The following SAG variants were observed in gnomAD, a reference collection of about 807,000 sequenced individuals.
The protein encoded by SAG is S-arrestin.
SAG carries 45 observed loss-of-function variants against 55.0 expected under a neutral mutation model. That is an observed-to-expected ratio of 0.82 (90% CI 0.64 to 1.05). The LOEUF (loss-of-function observed/expected upper bound fraction) is 1.05, where lower values mean the gene tolerates loss of function less well. Among genes scored for constraint, SAG ranks in the 50% least tolerant of loss-of-function variants. The probability of loss-of-function intolerance (pLI) is 0.00; values close to 1 mark genes in which losing one functional copy is unlikely to be tolerated. For missense variants in SAG, 455 were observed against 512.1 expected, an observed-to-expected ratio of 0.89 and a Z score of 1.08; for synonymous variants, 189 against 197.4, an observed-to-expected ratio of 0.96 and a Z score of 0.36.
chr2:233,331,345 T>C (rs911936561), intron 9 of SAG, among the ~76,000 whole-genome samples: 2 of 152,032 alleles, frequency 1.3e-5, no homozygotes, highest in Admixed American at 6.6e-5. Context: ...TGAAGTAAGA[T>C]GGAGGATGTT....
At chr2:233,308,385 C>T (rs1039816773) in intron 1 of SAG, among the ~76,000 whole-genome samples, 3 of 151,948 alleles carry the variant, frequency 2.0e-5, no homozygotes, top group African/African-American at 4.8e-5. Context: ...AGGAGGATCA[C>T]GAGCCCAGGA....
chr2:233,310,347 C>A (rs1700045138), intron 2 of SAG, among the ~76,000 whole-genome samples: 1 of 152,146 alleles, frequency 6.6e-6, no homozygotes, highest in Non-Finnish European at 1.5e-5. Context: ...AAAAAACTAT[C>A]AGTTCAACTT....
chr2:233,342,213 G>T (rs1421697125), intron 13 of SAG, 58 bp from the exon 14 acceptor site: 2 of 1,310,086 alleles, frequency 1.5e-6, no homozygotes, highest in Non-Finnish European at 2.2e-6. Flanking sequence ...GGTCTTTGCT[G>T]TGTTACTTAC....
rs561269544 is a variant in SAG at position 233,315,990 on chromosome 2, G to A, written c.76-85G>A. ...GCTAAGATTACAGGTGTGAGCCACC[G>A]CGCCCGGGCTGCTGCTGGTTTTTAT... On this transcript the variant is annotated intron_variant, in intron 2 of 15. Coordinates refer to ENST00000409110, the MANE Select transcript of SAG (RefSeq NM_000541.5). 5.9e-5 allele frequency: 47 copies of A among 798,664 alleles called. 1 individual carries two copies. The highest frequency in any genetic ancestry group is 3.9e-4 in the East Asian group (14 of 35,594). 49.5% of individuals were successfully genotyped at this position (798,664 alleles called of 1,614,324 possible). A position where few individuals can be genotyped will look rare whatever the true frequency, so the allele number is the denominator to read the frequency against.
At chr2:233,316,649 A>G (rs1021485094) in intron 3 of SAG, among the ~76,000 whole-genome samples, 1 of 152,120 alleles carries the variant, frequency 6.6e-6, no homozygotes, top group African/African-American at 2.4e-5. Flanking sequence ...CAAAGGACTC[A>G]TGTCTGGAAT....
chr2:233,312,757 C>A (rs1700111079), intron 2 of SAG, among the ~76,000 whole-genome samples: 2 of 152,314 alleles, frequency 1.3e-5, no homozygotes, highest in Middle Eastern at 3.4e-3. Context: ...CCTCAACCGT[C>A]CCCTGTCCTC....
In SAG at chr2:233,335,080, A is replaced by G. The variant is rs1425322029; in HGVS notation, c.925A>G (p.Asn309Asp). 1.9e-6 allele frequency: 3 copies of G among 1,613,820 alleles called. No individual in the cohort carries two copies. Among genetic ancestry groups the G allele is most frequent in the Non-Finnish European group, 2.5e-6 (3 of 1,179,764 alleles). The change falls in exon 11 of 16, where the codon AAC becomes GAC. Residue 309 changes from asparagine (N) to aspartate (D), a missense_variant. Transcript: ENST00000409110. ...LDGKIKHEDTNLASSTIIKEG... is the reference protein window; with the variant it reads ...LDGKIKHEDTDLASSTIIKEG... Reference sequence around the variant, plus strand: ...TGGGAAAATCAAGCACGAGGACACAAACCTTGCCTCCAGCACCATGTGAGT... The same window carrying G: ...TGGGAAAATCAAGCACGAGGACACAGACCTTGCCTCCAGCACCATGTGAGT...
chr2:233,325,632 T>C (rs1700528239), intron 6 of SAG, among the ~76,000 whole-genome samples: 1 of 152,218 alleles, frequency 6.6e-6, no homozygotes, highest in Non-Finnish European at 1.5e-5. Context: ...TTAGATCTTA[T>C]AGTGCTCTAT....
chr2:233,337,706 C>T (rs1388704654), intron 11 of SAG, among the ~76,000 whole-genome samples: 1 of 152,172 alleles, frequency 6.6e-6, no homozygotes, highest in East Asian at 1.9e-4. Context: ...AACTCTTTTT[C>T]CAGAGCTGTT....
chr2:233,328,316 C>A, intron 7 of SAG, 162 bp from the exon 8 acceptor site: 2 of 743,434 alleles, frequency 2.7e-6, no homozygotes, highest in Non-Finnish European at 4.2e-6. Flanking sequence ...ACCGTCAGGG[C>A]TGCCTCAGGC....
intron 15 of SAG, 27 bp from the exon 16 acceptor site, chr2:233,346,780 A>G: frequency 1.4e-6 from 2 of 1,454,588 alleles, no homozygotes; most frequent in Non-Finnish European, 1.9e-6. Context: ...GCGTGCAATG[A>G]TCAAAATGTT....
At chr2:233,326,177 C>G (rs1186924607) in intron 6 of SAG, among the ~76,000 whole-genome samples, 3 of 152,116 alleles carry the variant, frequency 2.0e-5, no homozygotes, top group Admixed American at 6.5e-5. Flanking sequence ...CACTGGGAAT[C>G]GGGGGAAGGT....
At chr2:233,326,902 C>T (rs1048654454) in intron 6 of SAG, among the ~76,000 whole-genome samples, 1 of 152,232 alleles carries the variant, frequency 6.6e-6, no homozygotes, top group Non-Finnish European at 1.5e-5. Flanking sequence ...TCCCCTCCCT[C>T]TGGGGGCTTT....
Position 233,320,685 on chromosome 2 carries a change from C to T in SAG, c.237C>T (p.Ile79=), listed in dbSNP as rs762679217. 51 of 1,606,358 alleles carry T rather than the reference C, an allele frequency of 3.2e-5. No homozygotes were observed. The highest frequency in any genetic ancestry group is 2.5e-4 in the South Asian group (22 of 89,488). The change falls in exon 5 of 16, where the codon ATC becomes ATT. Residue 79 remains isoleucine, a synonymous_variant. Coordinates refer to ENST00000409110, the MANE Select transcript of SAG (RefSeq NM_000541.5). ...ATGGCCAAGAGGACATTGACGTGAT[C>T]GGCTTGACCTTCCGCAGGGACCTGT... is the stretch of plus-strand genomic sequence containing the variant. ...FRYGQEDIDV[I]GLTFRRDLYF... is the part of the protein sequence containing the mutation.
rs377550915 is a variant in SAG, at chr2:233,316,142, T to C, written c.136+7T>C. The C allele has an allele frequency of 6.9e-5, 107 of 1,561,026 alleles. No homozygotes were observed. Among genetic ancestry groups the C allele is most frequent in the Non-Finnish European group, 9.2e-5 (105 of 1,139,126 alleles). ...AGCCAAGTCCAGCCTGTGGGTAAGTTGCTTGGAGAAAACTGTAATGCTGGT... is the reference window on the plus strand; with the variant it reads ...AGCCAAGTCCAGCCTGTGGGTAAGTCGCTTGGAGAAAACTGTAATGCTGGT... On this transcript the variant is annotated splice_region_variant and intron_variant, in intron 3 of 15. Coordinates refer to ENST00000409110, the MANE Select transcript of SAG (RefSeq NM_000541.5).
chr2:233,339,995 C>T (rs1701051442), intron 12 of SAG, among the ~76,000 whole-genome samples: 1 of 147,090 alleles, frequency 6.8e-6, no homozygotes, highest in East Asian at 2.0e-4. Context: ...CTTATTCTGT[C>T]ACCCAGGCTG....
At chr2:233,309,074 T>G (rs1304035962) in intron 1 of SAG, 88 bp from the exon 2 acceptor site, 1 of 724,820 alleles carries the variant, frequency 1.4e-6, no homozygotes, top group Non-Finnish European at 2.4e-6. Context: ...ATCTCGTGAG[T>G]AGGTTTCATA....
intron 8 of SAG, chr2:233,329,282 G>A (rs188217460): frequency 1.7e-5 from 9 of 522,996 alleles, no homozygotes; most frequent in Admixed American, 9.9e-5. Flanking sequence ...TGTGATGATC[G>A]GAACTCTGTT....
rs564196736 is a variant in SAG at position 233,308,546 on chromosome 2, T to C, written c.-29+524T>C. Among the ~76,000 whole-genome samples the C allele has an allele frequency of 1.1e-4, 17 of 152,210 alleles. No homozygotes were observed. The South Asian group carries it at 3.5e-3, about 32-fold the overall frequency. ...TCTTAATTGTAAAACAGAGTGGCTATCTCTTAGTAGGAATTGCCAAATAGA... is the reference window on the plus strand; with the variant it reads ...TCTTAATTGTAAAACAGAGTGGCTACCTCTTAGTAGGAATTGCCAAATAGA... On this transcript the variant is annotated intron_variant, in intron 1 of 15. Transcript: ENST00000409110.
Sources: gnomAD v4.1 joint callset for allele counts (sites outside exome capture counted in the v4.1 genomes callset) on GRCh38, gnomAD v4.1.1 for gene constraint, MANE v1.5 for transcripts, NCBI Gene and HGNC (gene_info 2026-07-23, HGNC 2026-07-21) for gene names.